The following E2F3 variants were observed in gnomAD, a reference collection of about 807,000 sequenced individuals.
E2F3 encodes the protein E2F transcription factor 3.
Under a neutral mutation model 44.4 loss-of-function variants are expected in E2F3, and 11 were observed. That is an observed-to-expected ratio of 0.25 (90% CI 0.16 to 0.41). The LOEUF is 0.41. E2F3 is among the 10% of genes least tolerant of loss of function. The pLI is 1.00. For missense variants in E2F3, 487 were observed against 583.6 expected, an observed-to-expected ratio of 0.83 and a Z score of 1.70; for synonymous variants, 249 against 253.0, an observed-to-expected ratio of 0.98 and a Z score of 0.15.
At chr6:20,403,656 G>C (rs1254126790) in intron 1 of E2F3, 1 of 532,072 alleles carries the variant, frequency 1.9e-6, no homozygotes. Context: ...GACGGTCCCG[G>C]CGCCCTCGCA....
chr6:20,430,307 T>G (rs1384572137), intron 1 of E2F3, among the ~76,000 whole-genome samples: 1 of 152,236 alleles, frequency 6.6e-6, no homozygotes, highest in African/African-American at 2.4e-5. Flanking sequence ...TATTTTTATT[T>G]GCTAAATCTG....
chr6:20,419,291 GT>G (rs1300154465), intron 1 of E2F3, among the ~76,000 whole-genome samples: 2 of 152,088 alleles, frequency 1.3e-5, no homozygotes, highest in Non-Finnish European at 2.9e-5. Flanking sequence ...ATGTACATAA[GT>G]TTTTGTGCTT....
At chr6:20,458,658 TAGG>T (rs1487508019) in intron 1 of E2F3, among the ~76,000 whole-genome samples, 4 of 152,170 alleles carry the variant, frequency 2.6e-5, no homozygotes, top group Non-Finnish European at 5.9e-5. Context: ...CTTTAAACAT[TAGG>T]AGATTTCCCA....
intron 1 of E2F3, among the ~76,000 whole-genome samples, chr6:20,462,358 A>G (rs563284607): frequency 1.3e-5 from 2 of 151,874 alleles, no homozygotes; most frequent in Non-Finnish European, 2.9e-5. Context: ...CATTTGTAAT[A>G]TATGACATCT....
chr6:20,413,250 A>G (rs774092842), intron 1 of E2F3, among the ~76,000 whole-genome samples: 1 of 152,206 alleles, frequency 6.6e-6, no homozygotes, highest in East Asian at 1.9e-4. Flanking sequence ...CACTTGTTAC[A>G]GATTCAGATT....
intron 1 of E2F3, among the ~76,000 whole-genome samples, chr6:20,456,927 G>A (rs111833252): frequency 7.2e-5 from 11 of 152,174 alleles, no homozygotes; most frequent in African/African-American, 2.6e-4. Context: ...GTTCATTTGG[G>A]GTCATTTATC....
At position 20,441,978 on chromosome 6, in the gene E2F3, C is replaced by T. The variant is rs150230296; in HGVS notation, c.394-37868C>T. On this transcript the variant is annotated intron_variant, in intron 1 of 6. Transcript: ENST00000346618. Reference sequence around the variant, plus strand: ...ATTGACGCGGATCCTTTCTTTGACCCATCCGCATGTCACCCAACCTTTTTT... The same window carrying T: ...ATTGACGCGGATCCTTTCTTTGACCTATCCGCATGTCACCCAACCTTTTTT... 1.7e-3 allele frequency among the ~76,000 whole-genome samples: 262 copies of T among 151,754 alleles called. 2 individuals carry two copies. The highest frequency in any genetic ancestry group is 6.1e-3 in the African/African-American group (251 of 41,132).
In E2F3 at chr6:20,482,791, T is replaced by C. The variant is rs1310557840; in HGVS notation, c.755T>C (p.Met252Thr). 1 of 1,612,284 alleles carries C rather than the reference T, an allele frequency of 6.2e-7. No individual in the cohort carries two copies. The highest frequency in any genetic ancestry group is 1.1e-5 in the South Asian group (1 of 90,950). ...MGCSLSEDGG[M>T]LAQCQGLSKE... The stretch of plus-strand genomic sequence containing the variant: ...TGCAGTCTGTCTGAGGATGGGGGCA[T>C]GCTGGCCCAGTGTCAAGGCCTGTCA... The change falls in exon 4 of 7, where the codon ATG (methionine) becomes ACG (threonine). Residue 252 changes from methionine to threonine, a missense_variant. Transcript: ENST00000346618.
intron 1 of E2F3, among the ~76,000 whole-genome samples, chr6:20,432,750 T>A (rs1465058321): frequency 6.6e-6 from 1 of 152,130 alleles, no homozygotes; most frequent in African/African-American, 2.4e-5. Flanking sequence ...CTGTTCGACG[T>A]TTCCTCACGT....
At chr6:20,432,943 A>G (rs907195156) in intron 1 of E2F3, among the ~76,000 whole-genome samples, 2 of 152,122 alleles carry the variant, frequency 1.3e-5, no homozygotes, top group Non-Finnish European at 2.9e-5. Context: ...CTTGTCATCT[A>G]TTGACTCACC....
At chr6:20,446,226 C>T (rs546862868) in intron 1 of E2F3, among the ~76,000 whole-genome samples, 3 of 152,050 alleles carry the variant, frequency 2.0e-5, no homozygotes, top group East Asian at 3.9e-4. Context: ...GGTTATTAGA[C>T]GGGTTGAAGT....
chr6:20,465,695 C>T (rs1186491202), intron 1 of E2F3, among the ~76,000 whole-genome samples: 4 of 152,176 alleles, frequency 2.6e-5, no homozygotes, highest in South Asian at 2.1e-4. Context: ...TGAGAACATA[C>T]GATGTTTGGT....
intron 1 of E2F3, among the ~76,000 whole-genome samples, chr6:20,433,624 C>G (rs1760476551): frequency 6.6e-6 from 1 of 152,016 alleles, no homozygotes. Flanking sequence ...GCTGCTGGAT[C>G]TTTTTATTTC....
rs1174230718 is a variant in E2F3, at chr6:20,492,777, CATTA to C, written c.*2352_*2355del. On this transcript the variant is annotated 3_prime_UTR_variant, in exon 7 of 7. Coordinates refer to ENST00000346618, the MANE Select transcript of E2F3 (RefSeq NM_001949.5). ...CCAGTTACTGGGTTTAACTGGTGTACATTAATTAGATGTCCATACTGTATTTTGT... is the reference window on the plus strand; with the variant it reads ...CCAGTTACTGGGTTTAACTGGTGTACATTAGATGTCCATACTGTATTTTGT... 1 of 229,334 alleles carries C rather than the reference CATTA, an allele frequency of 4.4e-6. No homozygotes were observed. The highest frequency in any genetic ancestry group is 2.2e-5 in the African/African-American group (1 of 45,052). The allele number at this position is 229,334 out of a possible 1,614,324, so 14.2% of individuals were successfully genotyped here.
chr6:20,478,126 G>A (rs892582474), intron 1 of E2F3, among the ~76,000 whole-genome samples: 4 of 152,130 alleles, frequency 2.6e-5, no homozygotes, highest in African/African-American at 9.7e-5. Flanking sequence ...TTGAGCCTGG[G>A]AGGACAAGGT....
Position 20,402,285 on chromosome 6 carries a change from G to A in E2F3, c.53G>A (p.Gly18Asp), listed in dbSNP as rs767062238. Residue 18 changes from glycine to aspartate, a missense_variant, in exon 1 of 7, where the codon GGT becomes GAT. This residue lies in a region of E2F3 where 238 missense variants were observed against 236.0 expected (regional missense o/e 1.01). Coordinates refer to ENST00000346618, the MANE Select transcript of E2F3 (RefSeq NM_001949.5). This position sits in a 1 kb window ranked among gnomAD's most constrained non-coding sequence, Gnocchi z 5.6. The part of the protein sequence containing the change: ...ALEQYLVTAG[G>D]GEGAAVVAAA... ...GAGCAGTACCTGGTGACCGCCGGGGGTGGGGAGGGGGCGGCTGTCGTCGCC... is the reference window on the plus strand; with the variant it reads ...GAGCAGTACCTGGTGACCGCCGGGGATGGGGAGGGGGCGGCTGTCGTCGCC... The A allele has an allele frequency of 6.2e-6, 10 of 1,608,688 alleles. No individual in the cohort carries two copies. Among genetic ancestry groups the A allele is most frequent in the South Asian group, 4.4e-5 (4 of 90,698 alleles).
chr6:20,448,232 C>G (rs141696969), intron 1 of E2F3, among the ~76,000 whole-genome samples: 7 of 152,284 alleles, frequency 4.6e-5, no homozygotes, highest in Non-Finnish European at 1.0e-4. Flanking sequence ...GCTTAGAAAC[C>G]TCTCCAGAGA....
rs191402559 is a variant in E2F3 at position 20,491,087 on chromosome 6, A to G, written c.*657A>G. 60 of 230,968 alleles carry G rather than the reference A, an allele frequency of 2.6e-4. No individual in the cohort carries two copies. The highest frequency in any genetic ancestry group is 4.4e-4 in the Non-Finnish European group (51 of 116,278). The allele number at this position is 230,968 out of a possible 1,614,324, so 14.3% of individuals were successfully genotyped here. On this transcript the variant is annotated 3_prime_UTR_variant, in exon 7 of 7. Coordinates refer to ENST00000346618, the MANE Select transcript of E2F3 (RefSeq NM_001949.5). ...GTTTTCAAATATACTTGTTGCAGAT[A>G]CAGAAGACTAGTAGAGTTCTGCCAC...
chr6:20,430,062 G>A (rs1299790319), intron 1 of E2F3, among the ~76,000 whole-genome samples: 2 of 151,890 alleles, frequency 1.3e-5, no homozygotes, highest in African/African-American at 4.8e-5. Flanking sequence ...TAAAATAGGA[G>A]GTTATATTTT....
Sources: allele counts gnomAD v4.1 joint callset (sites outside exome capture counted in the v4.1 genomes callset), GRCh38; gene constraint gnomAD v4.1.1; regional missense constraint gnomAD v4.1.1; non-coding constraint Gnocchi (gnomAD v3.1); transcripts MANE v1.5; gene names NCBI Gene and HGNC (gene_info 2026-07-23, HGNC 2026-07-21).